CXCL13: variants seen among roughly 807,000 people sequenced by gnomAD.
CXCL13 encodes the protein C-X-C motif chemokine 13.
CXCL13 carries 7 observed loss-of-function variants against 12.2 expected under a neutral mutation model. That is an observed-to-expected ratio of 0.57 (90% confidence interval 0.33 to 1.07). CXCL13 has a LOEUF of 1.07. CXCL13 is among the 50% of genes least tolerant of loss of function. The pLI is 0.04. For synonymous variants in CXCL13, 47 were observed against 42.4 expected, an observed-to-expected ratio of 1.11 and a Z score of -0.42; for missense variants, 113 against 127.4, an observed-to-expected ratio of 0.89 and a Z score of 0.55.
intron 1 of CXCL13, among the ~76,000 whole-genome samples, chr4:77,577,571 G>T (rs1190881020): frequency 6.6e-6 from 1 of 152,082 alleles, no homozygotes; most frequent in African/African-American, 2.4e-5. Context: ...TGAGGTCTAG[G>T]AAATGCAAAT....
chr4:77,605,179 T>A (rs1459453846), upstream of CXCL13, among the ~76,000 whole-genome samples: 1 of 152,160 alleles, frequency 6.6e-6, no homozygotes, highest in Non-Finnish European at 1.5e-5. Flanking sequence ...CTCCCTCCCT[T>A]CATGCAGACA....
intron 1 of CXCL13, among the ~76,000 whole-genome samples, chr4:77,514,723 T>C (rs1348153967): frequency 2.6e-5 from 4 of 152,088 alleles, no homozygotes; most frequent in Non-Finnish European, 5.9e-5. Context: ...GTCAGATGAG[T>C]AAGTTGCGAA....
intron 1 of CXCL13, among the ~76,000 whole-genome samples, chr4:77,536,540 G>T (rs1275728053): frequency 2.6e-5 from 4 of 152,144 alleles, no homozygotes; most frequent in Non-Finnish European, 5.9e-5. Flanking sequence ...CATCTGTAAG[G>T]AGGGATAAAA....
intron 1 of CXCL13, among the ~76,000 whole-genome samples, chr4:77,527,750 C>A (rs1240518009): frequency 6.6e-6 from 1 of 152,058 alleles, no homozygotes; most frequent in Non-Finnish European, 1.5e-5. Flanking sequence ...TTCAAACTTG[C>A]AACAGTTTGG....
chr4:77,532,767 A>ACTTCT (rs1220444095), intron 1 of CXCL13, among the ~76,000 whole-genome samples: 3 of 151,786 alleles, frequency 2.0e-5, no homozygotes, highest in African/African-American at 7.3e-5. Flanking sequence ...TTTTCTCTGA[A>ACTTCT]CTTCTCTTTT....
At chr4:77,573,216 C>T (rs1215309428) in intron 1 of CXCL13, among the ~76,000 whole-genome samples, 1 of 151,786 alleles carries the variant, frequency 6.6e-6, no homozygotes, top group Non-Finnish European at 1.5e-5. Context: ...CAAACCTGCA[C>T]ATGTACCTCT....
intron 2 of CXCL13, among the ~76,000 whole-genome samples, chr4:77,610,047 GC>G (rs1043624651): frequency 6.6e-6 from 1 of 152,192 alleles, no homozygotes; most frequent in African/African-American, 2.4e-5. Flanking sequence ...AATTATTGCT[GC>G]CACTTTTGCT....
chr4:77,564,885 C>T (rs1320061394), intron 1 of CXCL13, among the ~76,000 whole-genome samples: 2 of 152,170 alleles, frequency 1.3e-5, no homozygotes, highest in Non-Finnish European at 2.9e-5. Flanking sequence ...AGCAAAGTTC[C>T]CCATTTCTTC....
intron 1 of CXCL13, among the ~76,000 whole-genome samples, chr4:77,535,985 G>A (rs1174426599): frequency 6.6e-6 from 1 of 152,042 alleles, no homozygotes; most frequent in Non-Finnish European, 1.5e-5. Context: ...ATACTTTGTT[G>A]AGCAGTAATA....
At chr4:77,535,722 G>A (rs1725042984) in intron 1 of CXCL13, among the ~76,000 whole-genome samples, 1 of 152,154 alleles carries the variant, frequency 6.6e-6, no homozygotes, top group South Asian at 2.1e-4. Flanking sequence ...AGCCATAGAT[G>A]TTTTGACCAA....
intron 1 of CXCL13, among the ~76,000 whole-genome samples, chr4:77,527,156 T>C (rs948638699): frequency 6.6e-6 from 1 of 152,104 alleles, no homozygotes; most frequent in African/African-American, 2.4e-5. Context: ...CCAACACCAT[T>C]AATCATTCGG....
intron 1 of CXCL13, among the ~76,000 whole-genome samples, chr4:77,529,570 G>A (rs1342950661): frequency 6.6e-6 from 1 of 151,994 alleles, no homozygotes; most frequent in Non-Finnish European, 1.5e-5. Context: ...TCATGATTTG[G>A]CTCTCTGTCT....
chr4:77,580,709 TCCTCC>T (rs1214845456), intron 1 of CXCL13, among the ~76,000 whole-genome samples: 31 of 132,320 alleles, frequency 2.3e-4, no homozygotes, highest in African/African-American at 5.8e-4. Context: ...AGACACCCTC[TCCTCC>T]CCTCCCCTCC....
At chr4:77,552,195 C>G (rs1308388779) in intron 1 of CXCL13, among the ~76,000 whole-genome samples, 1 of 152,134 alleles carries the variant, frequency 6.6e-6, no homozygotes, top group African/African-American at 2.4e-5. Flanking sequence ...TCCTTCTTAC[C>G]TAGAGATGCT....
intron 1 of CXCL13, among the ~76,000 whole-genome samples, chr4:77,576,702 C>T (rs1283522736): frequency 1.3e-5 from 2 of 152,150 alleles, no homozygotes; most frequent in African/African-American, 4.8e-5. Flanking sequence ...TTAAAAAGTC[C>T]TATCTGAGAT....
At chr4:77,608,201 G>A (rs191252488) in intron 2 of CXCL13, among the ~76,000 whole-genome samples, 1,560 of 152,232 alleles carry the variant, frequency 0.01, 30 homozygotes, top group African/African-American at 0.035. Context: ...AGCACTTTAG[G>A]AGGCCGAGGA....
rs912476115 is a variant in CXCL13, at chr4:77,611,145, C to T, written c.*106C>T. 4.2e-6 allele frequency: 4 copies of T among 947,422 alleles called. No homozygotes were observed. The African/African-American group carries it at 6.6e-5, about 16-fold the overall frequency. 58.7% of individuals were successfully genotyped at this position (947,422 alleles called of 1,614,324 possible). A position where few individuals can be genotyped will look rare whatever the true frequency, so the allele number is the denominator to read the frequency against. On this transcript the variant is annotated 3_prime_UTR_variant, in exon 4 of 4. Coordinates refer to ENST00000682537, the MANE Select transcript of CXCL13 (RefSeq NM_001371558.1). ...TTCCAGGAAAAAGAACTTCCCCATACAAATAAGCATGAGACTATGTAAAAA... is the reference window on the plus strand; with the variant it reads ...TTCCAGGAAAAAGAACTTCCCCATATAAATAAGCATGAGACTATGTAAAAA...
chr4:77,528,024 G>A (rs1578037621), intron 1 of CXCL13, among the ~76,000 whole-genome samples: 1 of 152,110 alleles, frequency 6.6e-6, no homozygotes, highest in Admixed American at 6.5e-5. Flanking sequence ...ATGAGAACAT[G>A]CGGTGTTTGG....
chr4:77,513,489 T>A (rs1278807091), intron 1 of CXCL13, among the ~76,000 whole-genome samples: 1 of 151,916 alleles, frequency 6.6e-6, no homozygotes, highest in Non-Finnish European at 1.5e-5. Context: ...TCTCACTCTA[T>A]TGCCCAGGCT....
Sources: allele counts gnomAD v4.1 joint callset (sites outside exome capture counted in the v4.1 genomes callset), GRCh38; gene constraint gnomAD v4.1.1; transcripts MANE v1.5; gene names NCBI Gene and HGNC (gene_info 2026-07-23, HGNC 2026-07-21).